PDZRN4: variants seen among roughly 807,000 people sequenced by gnomAD.
PDZRN4 encodes PDZ domain-containing RING finger protein 4.
In PDZRN4, 70 loss-of-function variants were observed where a neutral mutation model predicts 99.0. The observed-to-expected ratio is 0.71, with a 90% CI of 0.58 to 0.86. The LOEUF (loss-of-function observed/expected upper bound fraction) is 0.86. PDZRN4 is among the 40% of genes least tolerant of loss of function. PDZRN4 has a pLI of 0.00. For synonymous variants in PDZRN4, 551 were observed against 501.6 expected, an observed-to-expected ratio of 1.10 and a Z score of -1.32; for missense variants, 1,474 against 1,331.2, an observed-to-expected ratio of 1.11 and a Z score of -1.67.
intron 3 of PDZRN4, among the ~76,000 whole-genome samples, chr12:41,279,046 A>G (rs535300247): frequency 9.8e-5 from 15 of 152,330 alleles, no homozygotes; most frequent in Non-Finnish European, 2.1e-4. Context: ...TGACATAAAA[A>G]TAACGATGTG....
Position 41,275,783 on chromosome 12 carries a change from G to T in PDZRN4, c.843+81595G>T, listed in dbSNP as rs1307491624. ...GAGTAGGAAATAATTTTTAATATCT[G>T]CCTACAAAGGTTTCAGTGATGAGTA... On this transcript the variant is annotated intron_variant, in intron 3 of 9. Transcript: ENST00000402685. 1.3e-5 allele frequency among the ~76,000 whole-genome samples: 2 copies of T among 152,058 alleles called. 1 individual carries two copies. The highest frequency in any genetic ancestry group is 1.3e-4 in the Admixed American group (2 of 15,252).
intron 6 of PDZRN4, 119 bp from the exon 7 acceptor site, chr12:41,555,579 T>C: frequency 2.7e-6 from 2 of 744,668 alleles, no homozygotes; most frequent in Non-Finnish European, 4.7e-6. Context: ...ATGTATACTG[T>C]CACAAATCAA....
At chr12:41,399,935 G>C (rs1379802789) in intron 3 of PDZRN4, among the ~76,000 whole-genome samples, 2 of 151,946 alleles carry the variant, frequency 1.3e-5, no homozygotes, top group Admixed American at 1.3e-4. Context: ...ATTCTGCAAA[G>C]GGCACAGTAA....
intron 3 of PDZRN4, among the ~76,000 whole-genome samples, chr12:41,385,932 C>T (rs115449925): frequency 0.014 from 2,058 of 152,258 alleles, 18 homozygotes; most frequent in African/African-American, 0.017. Flanking sequence ...TACTGGCCAA[C>T]CAAATCGAGC....
At chr12:41,213,488 C>G (rs1317602650) in intron 3 of PDZRN4, among the ~76,000 whole-genome samples, 1 of 152,084 alleles carries the variant, frequency 6.6e-6, no homozygotes, top group African/African-American at 2.4e-5. Flanking sequence ...AATGCCCACA[C>G]TGACAGTTCA....
At chr12:41,276,328 C>A (rs1431650237) in intron 3 of PDZRN4, among the ~76,000 whole-genome samples, 1 of 152,010 alleles carries the variant, frequency 6.6e-6, no homozygotes, top group Admixed American at 6.6e-5. Context: ...ATGATTTATA[C>A]AAATAAGCTC....
chr12:41,523,301 T>C (rs148597009), intron 5 of PDZRN4, among the ~76,000 whole-genome samples: 96 of 152,188 alleles, frequency 6.3e-4, no homozygotes, highest in East Asian at 4.5e-3. Context: ...AAGGTCCCTC[T>C]CATGTAGATG....
At chr12:41,293,693 A>G (rs139098146) in intron 3 of PDZRN4, among the ~76,000 whole-genome samples, 59 of 152,302 alleles carry the variant, frequency 3.9e-4, no homozygotes, top group African/African-American at 1.4e-3. Context: ...AGAGGATGTG[A>G]CATGGATTAT....
intron 5 of PDZRN4, among the ~76,000 whole-genome samples, chr12:41,533,320 G>A (rs917703097): frequency 2.0e-5 from 3 of 151,722 alleles, no homozygotes; most frequent in South Asian, 2.1e-4. Context: ...GATTACAGGC[G>A]AGTGCCACCA....
chr12:41,245,118 C>T (rs1256857626), intron 3 of PDZRN4, among the ~76,000 whole-genome samples: 3 of 152,062 alleles, frequency 2.0e-5, no homozygotes, highest in African/African-American at 7.2e-5. Flanking sequence ...GTCTAGCTAG[C>T]GTCTTGGCAG....
chr12:41,221,849 A>G (rs1950958104), intron 3 of PDZRN4, among the ~76,000 whole-genome samples: 1 of 152,142 alleles, frequency 6.6e-6, no homozygotes, highest in Admixed American at 6.6e-5. Context: ...TCCTGGCACA[A>G]CTGACAGCTT....
chr12:41,402,985 G>A (rs138141610), intron 3 of PDZRN4, among the ~76,000 whole-genome samples: 2 of 152,076 alleles, frequency 1.3e-5, no homozygotes, highest in African/African-American at 4.8e-5. Context: ...ACTGTTGGGT[G>A]ACTCATCGCT....
intron 3 of PDZRN4, among the ~76,000 whole-genome samples, chr12:41,208,127 A>G (rs180740578): frequency 1.9e-4 from 29 of 152,032 alleles, no homozygotes; most frequent in African/African-American, 6.5e-4. Flanking sequence ...TTTGTAAACA[A>G]TCTCTTGTCC....
chr12:41,515,105 G>C (rs1417825612), intron 5 of PDZRN4, among the ~76,000 whole-genome samples: 5 of 152,034 alleles, frequency 3.3e-5, no homozygotes, highest in African/African-American at 1.2e-4. Context: ...GCCAGCGGGG[G>C]CTGTCTCTGT....
intron 3 of PDZRN4, among the ~76,000 whole-genome samples, chr12:41,320,678 G>C (rs866630516): frequency 6.7e-6 from 1 of 150,314 alleles, no homozygotes; most frequent in East Asian, 1.9e-4. Context: ...AGTTGACTCA[G>C]TACGGTTTTA....
intron 3 of PDZRN4, among the ~76,000 whole-genome samples, chr12:41,314,752 T>G (rs1043582965): frequency 6.6e-6 from 1 of 152,192 alleles, no homozygotes; most frequent in Non-Finnish European, 1.5e-5. Flanking sequence ...GGATTCTTTT[T>G]GCTTTTGTTT....
chr12:41,307,457 T>C (rs965708810), intron 3 of PDZRN4, among the ~76,000 whole-genome samples: 1 of 152,182 alleles, frequency 6.6e-6, no homozygotes, highest in South Asian at 2.1e-4. Flanking sequence ...CCTACCTTCA[T>C]GGCCTCATTG....
At chr12:41,191,572 G>A (rs138929564) in intron 2 of PDZRN4, 28 bp downstream of exon 2, 63 of 982,594 alleles carry the variant, frequency 6.4e-5, no homozygotes, top group South Asian at 1.1e-4. Flanking sequence ...TGCATTACTC[G>A]TTACTTATAA....
intron 3 of PDZRN4, among the ~76,000 whole-genome samples, chr12:41,339,358 A>C (rs1951799092): frequency 6.6e-6 from 1 of 152,090 alleles, no homozygotes; most frequent in African/African-American, 2.4e-5. Context: ...GGTGCTGGGA[A>C]ACTTGGATAT....
Sources: gnomAD v4.1 joint callset for allele counts (sites outside exome capture counted in the v4.1 genomes callset) on GRCh38, gnomAD v4.1.1 for gene constraint, MANE v1.5 for transcripts, NCBI Gene and HGNC (gene_info 2026-07-23, HGNC 2026-07-21) for gene names.